Variants in ROS1 observed in about 807,000 individuals in gnomAD.
ROS1 encodes ROS proto-oncogene 1, receptor tyrosine kinase.
ROS1 carries 263 observed loss-of-function variants against 273.5 expected under a neutral mutation model. The ratio of observed to expected loss-of-function variants is 0.96; its 90% CI spans 0.87 to 1.06. The LOEUF is 1.06. Among genes scored for constraint, ROS1 ranks in the 50% least tolerant of loss-of-function variants. The pLI is 0.00. For missense variants in ROS1, 2,833 were observed against 2,751.1 expected, an observed-to-expected ratio of 1.03 and a Z score of -0.67; for synonymous variants, 1,008 against 954.1, an observed-to-expected ratio of 1.06 and a Z score of -1.04.
chr6:117,343,972 A>G, intron 28 of ROS1, 88 bp downstream of exon 28: 2 of 1,115,498 alleles, frequency 1.8e-6, no homozygotes, highest in Non-Finnish European at 2.6e-6. Context: ...ATTTCAGAAC[A>G]TATAGGAAAT....
At chr6:117,372,499 G>A (rs1170703621) in intron 18 of ROS1, among the ~76,000 whole-genome samples, 4 of 152,148 alleles carry the variant, frequency 2.6e-5, no homozygotes, top group African/African-American at 7.2e-5. Flanking sequence ...ACAGACCCTC[G>A]TGGTGAGCGT....
Position 117,344,217 on chromosome 6 carries a change from A to G in ROS1, c.4349T>C (p.Ile1450Thr), listed in dbSNP as rs1231753858. ...GAGGCTAGTGTTAGTGGCATTAAGT[A>G]TAGTTGGTTCCACAGTGTCTGAAGC... ...SLASDTVEPT[I>T]LNATNTSLTI... The change falls in exon 28 of 44, where the codon ATA (isoleucine) becomes ACA (threonine). Residue 1450 changes from isoleucine to threonine, a missense_variant. Physicochemically the swap from Ile to Thr is moderately conservative, Grantham distance 89. Coordinates refer to ENST00000368507, the MANE Select transcript of ROS1 (RefSeq NM_001378902.1). The G allele has an allele frequency of 1.2e-6, 2 of 1,614,068 alleles. No homozygotes were observed. Among genetic ancestry groups the G allele is most frequent in the Admixed American group, 1.7e-5 (1 of 59,994 alleles).
At chr6:117,304,757 C>T (rs1774979778) in intron 42 of ROS1, among the ~76,000 whole-genome samples, 2 of 152,212 alleles carry the variant, frequency 1.3e-5, no homozygotes, top group East Asian at 1.9e-4. Flanking sequence ...GCGTCCCCAC[C>T]CAAATCTCAT....
chr6:117,320,765 G>T (rs1463170575), intron 36 of ROS1, among the ~76,000 whole-genome samples: 1 of 152,050 alleles, frequency 6.6e-6, no homozygotes, highest in African/African-American at 2.4e-5. Flanking sequence ...CTAATATAAT[G>T]AACCTTTGCA....
intron 42 of ROS1, chr6:117,301,601 G>A (rs1378349137): frequency 6.5e-6 from 1 of 153,508 alleles, no homozygotes; most frequent in Non-Finnish European, 1.4e-5. Flanking sequence ...GACCTTCCCT[G>A]ATAGAAGAGG....
intron 22 of ROS1, among the ~76,000 whole-genome samples, chr6:117,360,675 C>T (rs1380788872): frequency 6.6e-6 from 1 of 151,920 alleles, no homozygotes; most frequent in Non-Finnish European, 1.5e-5. Flanking sequence ...CTAAAAATGT[C>T]TGGGGATTTA....
intron 32 of ROS1, among the ~76,000 whole-genome samples, chr6:117,336,941 AAAG>A (rs1461522371): frequency 3.3e-5 from 5 of 152,168 alleles, no homozygotes; most frequent in Non-Finnish European, 5.9e-5. Flanking sequence ...AAGGATACTG[AAAG>A]AAGAAGTAAT....
chr6:117,415,540 C>T (rs117619056), intron 3 of ROS1, among the ~76,000 whole-genome samples: 167 of 152,228 alleles, frequency 1.1e-3, no homozygotes, highest in Middle Eastern at 0.01. Flanking sequence ...AGTTACAACA[C>T]GACAGGCTCT....
intron 18 of ROS1, among the ~76,000 whole-genome samples, chr6:117,371,651 A>C (rs1780782904): frequency 6.6e-6 from 1 of 152,170 alleles, no homozygotes; most frequent in African/African-American, 2.4e-5. Flanking sequence ...GAAACCTGAA[A>C]GCCCTACTTG....
intron 32 of ROS1, among the ~76,000 whole-genome samples, chr6:117,330,343 G>A (rs1289075633): frequency 6.6e-6 from 1 of 152,226 alleles, no homozygotes; most frequent in African/African-American, 2.4e-5. Context: ...AGCCCCTAGG[G>A]GGAGGGGTGG....
chr6:117,303,501 A>G (rs967735636), intron 42 of ROS1, among the ~76,000 whole-genome samples: 2 of 152,152 alleles, frequency 1.3e-5, no homozygotes, highest in African/African-American at 4.8e-5. Flanking sequence ...GTAAAGTCCT[A>G]AATTTGGAAA....
intron 4 of ROS1, among the ~76,000 whole-genome samples, chr6:117,412,570 TGATA>T (rs748715963): frequency 4.1e-5 from 6 of 147,520 alleles, no homozygotes; most frequent in African/African-American, 1.3e-4. Context: ...ATAACTGAGG[TGATA>T]GATAGATAGA....
chr6:117,287,682 G>A lies in ROS1; in HGVS notation c.*810C>T, dbSNP rs1286255226. On this transcript the variant is annotated 3_prime_UTR_variant, in exon 44 of 44. Coordinates refer to ENST00000368507, the MANE Select transcript of ROS1 (RefSeq NM_001378902.1). ...TCACACCTGTAATCCAGCACTTTGG[G>A]AGGCCAAGGCAGGTGGATCCCGAGG... 6.6e-6 allele frequency among the ~76,000 whole-genome samples: 1 copy of A among 152,170 alleles called. No individual in the cohort carries two copies. The highest frequency in any genetic ancestry group is 6.5e-5 in the Admixed American group (1 of 15,280).
chr6:117,407,307 T>C (rs533581565), intron 5 of ROS1, among the ~76,000 whole-genome samples: 7 of 151,962 alleles, frequency 4.6e-5, no homozygotes, highest in African/African-American at 1.7e-4. Context: ...CCCTAGGGAA[T>C]TCTGGAAATG....
chr6:117,415,077 AAGAC>A (rs1775237275), intron 3 of ROS1, among the ~76,000 whole-genome samples: 1 of 152,226 alleles, frequency 6.6e-6, no homozygotes, highest in Admixed American at 6.5e-5. Context: ...CAATCTAAAA[AAGAC>A]AGACAGCATC....
chr6:117,290,929 G>A (rs1198279924), intron 43 of ROS1, among the ~76,000 whole-genome samples: 2 of 152,124 alleles, frequency 1.3e-5, no homozygotes, highest in East Asian at 3.9e-4. Context: ...TGCTAAATAT[G>A]CCCACCAGTC....
chr6:117,394,645 C>T lies in ROS1; in HGVS notation c.977G>A (p.Arg326Gln), dbSNP rs773650993. 14 of 1,611,204 alleles carry T rather than the reference C, an allele frequency of 8.7e-6. No homozygotes were observed. The highest frequency in any genetic ancestry group is 5.0e-5 in the Admixed American group (3 of 59,890). Reference protein sequence around the residue: ...KHLVDEAHCLRLDAIYHNITG... With the variant: ...KHLVDEAHCLQLDAIYHNITG... ...AATATTATGGTATATAGCATCCAAC[C>T]GAAGGCAATGTGCTTCATCTACTAA... The change falls in exon 10 of 44, where the codon CGG becomes CAG. Residue 326 changes from arginine to glutamine, a missense_variant. Physicochemically the swap from Arg to Gln is conservative, Grantham distance 43 (BLOSUM62 1). Transcript: ENST00000368507.
chr6:117,386,879 TG>T lies in ROS1; in HGVS notation c.2110+9del, dbSNP rs1237040854. The T allele has an allele frequency of 7.1e-7, 1 of 1,399,730 alleles. No homozygotes were observed. The highest frequency in any genetic ancestry group is 1.0e-6 in the Non-Finnish European group (1 of 991,324). The allele number at this position is 1,399,730 out of a possible 1,614,324, so 86.7% of individuals were successfully genotyped here. A position where few individuals can be genotyped will look rare whatever the true frequency, so the allele number is the denominator to read the frequency against. ...CTGTCATTCAAGTGAACAGAGGACT[TG>T]GGGTTTACCTGACACATTTCCTATA... On this transcript the variant is annotated intron_variant, in intron 15 of 43. Transcript: ENST00000368507.
At chr6:117,333,538 C>A (rs536638890) in intron 32 of ROS1, among the ~76,000 whole-genome samples, 5 of 151,584 alleles carry the variant, frequency 3.3e-5, no homozygotes, top group Middle Eastern at 3.4e-3. Context: ...AGAGACACAA[C>A]AACAAACTTC....
Sources: gnomAD v4.1 joint callset for allele counts (sites outside exome capture counted in the v4.1 genomes callset) on GRCh38, gnomAD v4.1.1 for gene constraint, MANE v1.5 for transcripts, NCBI Gene and HGNC (gene_info 2026-07-23, HGNC 2026-07-21) for gene names.